RNF24: variants seen among roughly 807,000 people sequenced by gnomAD.
The protein encoded by RNF24 is ring finger protein 24.
RNF24 carries 14 observed loss-of-function variants against 20.0 expected under a neutral mutation model. The ratio of observed to expected loss-of-function variants is 0.70; its 90% CI spans 0.46 to 1.10. The LOEUF is 1.10. Ranked by LOEUF, RNF24 falls within the 50% of genes least tolerant of loss-of-function variation. The probability of loss-of-function intolerance (pLI) is 0.00; values close to 1 mark genes in which losing one functional copy is unlikely to be tolerated. For synonymous variants in RNF24, 45 were observed against 61.1 expected, an observed-to-expected ratio of 0.74 and a Z score of 1.23; for missense variants, 124 against 177.6, an observed-to-expected ratio of 0.70 and a Z score of 1.71.
In RNF24 at chr20:3,927,933, T is replaced by G. The variant is rs2090749174; in HGVS notation, c.*6130A>C. On this transcript the variant is annotated 3_prime_UTR_variant, in exon 6 of 6. Transcript: ENST00000358395. ...CTTGGTCAAAAAGTGGAGTACATCTTTGCATCTTGTAACAATTTGGGCTCT... is the reference window on the plus strand; with the variant it reads ...CTTGGTCAAAAAGTGGAGTACATCTGTGCATCTTGTAACAATTTGGGCTCT... 1 of 152,220 alleles carries G rather than the reference T, an allele frequency of 6.6e-6. No homozygotes were observed. Among genetic ancestry groups the G allele is most frequent in the African/African-American group, 2.4e-5 (1 of 41,448 alleles). 9.4% of individuals were successfully genotyped at this position (152,220 alleles called of 1,614,324 possible).
intron 1 of RNF24, among the ~76,000 whole-genome samples, chr20:4,011,737 C>A (rs940336540): frequency 2.0e-5 from 3 of 152,274 alleles, no homozygotes; most frequent in African/African-American, 7.2e-5. Flanking sequence ...AGTAATAGCA[C>A]CCTACGTGGC....
chr20:4,008,450 ATAATATATAATATATAATATGTATAAT>A (rs1982126404), intron 1 of RNF24, among the ~76,000 whole-genome samples: 2 of 17,942 alleles, frequency 1.1e-4, no homozygotes, highest in Non-Finnish European at 1.5e-4. Context: ...TATAATATAT[ATAATATATAATATATAATATGTATAAT>A]ATATAATATA....
intron 1 of RNF24, among the ~76,000 whole-genome samples, chr20:3,989,044 A>G (rs533857605): frequency 6.6e-6 from 1 of 152,348 alleles, no homozygotes; most frequent in African/African-American, 2.4e-5. Flanking sequence ...TATTATAAAG[A>G]TGTCAATTTT....
intron 1 of RNF24, among the ~76,000 whole-genome samples, chr20:3,988,019 A>C (rs1381145938): frequency 1.3e-5 from 2 of 152,178 alleles, no homozygotes; most frequent in African/African-American, 4.8e-5. Context: ...AATAAAAAAA[A>C]AAAATTTTTT....
At chr20:3,961,071 G>A (rs1430025804) in intron 2 of RNF24, among the ~76,000 whole-genome samples, 3 of 152,124 alleles carry the variant, frequency 2.0e-5, no homozygotes, top group Admixed American at 6.6e-5. Flanking sequence ...GAGATTACAG[G>A]TATGAGCCAC....
At chr20:3,975,938 C>T (rs1306847130) in intron 1 of RNF24, among the ~76,000 whole-genome samples, 6 of 152,028 alleles carry the variant, frequency 3.9e-5, no homozygotes, top group Non-Finnish European at 5.9e-5. Flanking sequence ...AGGAGTGCAC[C>T]ACCATGCTCT....
In RNF24 at chr20:3,933,934, A is replaced by G; in HGVS notation, c.*129T>C. 1 of 966,548 alleles carries G rather than the reference A, an allele frequency of 1.0e-6. No homozygotes were observed. The highest frequency in any genetic ancestry group is 1.4e-6 in the Non-Finnish European group (1 of 706,758). 59.9% of individuals were successfully genotyped at this position (966,548 alleles called of 1,614,324 possible). A position where few individuals can be genotyped will look rare whatever the true frequency, so the allele number is the denominator to read the frequency against. On this transcript the variant is annotated 3_prime_UTR_variant, in exon 6 of 6. Transcript: ENST00000358395. ...AGGTTCCCAGTTTGGCTGGCCCAAG[A>G]GTTCTTCATGAGGCAAAAGAAGTGG...
At chr20:3,981,498 G>T (rs1979374034) in intron 1 of RNF24, among the ~76,000 whole-genome samples, 1 of 150,998 alleles carries the variant, frequency 6.6e-6, no homozygotes. Context: ...ACCTTTTTTG[G>T]AGTCACTTTT....
At chr20:3,950,348 G>C (rs1411817017) in intron 2 of RNF24, among the ~76,000 whole-genome samples, 1 of 152,186 alleles carries the variant, frequency 6.6e-6, no homozygotes, top group Admixed American at 6.5e-5. Context: ...GAGACAGACG[G>C]AAAAGAAGGC....
chr20:4,001,544 A>G (rs975428484), intron 1 of RNF24, among the ~76,000 whole-genome samples: 1 of 152,228 alleles, frequency 6.6e-6, no homozygotes, highest in East Asian at 1.9e-4. Flanking sequence ...CAAAACACAT[A>G]TTGGATGAAA....
intron 1 of RNF24, among the ~76,000 whole-genome samples, chr20:3,994,328 G>T (rs1412647296): frequency 2.0e-5 from 3 of 152,190 alleles, no homozygotes. Context: ...AGTTGTATTT[G>T]TGACACCTGT....
intron 2 of RNF24, among the ~76,000 whole-genome samples, chr20:3,962,266 G>A (rs2091210042): frequency 6.6e-6 from 1 of 152,084 alleles, no homozygotes; most frequent in Non-Finnish European, 1.5e-5. Flanking sequence ...TGAGGTGGGA[G>A]GATCACTTGA....
At chr20:3,950,699 C>T (rs1218608505) in intron 2 of RNF24, among the ~76,000 whole-genome samples, 1 of 152,168 alleles carries the variant, frequency 6.6e-6, no homozygotes, top group Non-Finnish European at 1.5e-5. Context: ...TTCACATATA[C>T]CTTTCTACCA....
chr20:3,971,039 T>C (rs1478623240), intron 1 of RNF24, among the ~76,000 whole-genome samples: 1 of 152,100 alleles, frequency 6.6e-6, no homozygotes, highest in Admixed American at 6.5e-5. Context: ...CACATCGTAG[T>C]CAAACTTCTG....
rs144442965 is a variant in RNF24 at position 4,003,124 on chromosome 20, G to A, written c.-8+12313C>T. ...AGCTGGGATTATAGGCGCCTGCCAC[G>A]GCGCCCGGCTAATTTTTTTGTATTT... is the stretch of plus-strand genomic sequence containing the variant. On this transcript the variant is annotated intron_variant, in intron 1 of 5. Transcript: ENST00000358395. Among the ~76,000 whole-genome samples the A allele has an allele frequency of 7.9e-4, 120 of 152,126 alleles. 1 individual carries two copies. The East Asian group carries it at 0.02, about 26-fold the overall frequency.
chr20:4,001,131 G>A (rs1299783028), intron 1 of RNF24, among the ~76,000 whole-genome samples: 1 of 152,096 alleles, frequency 6.6e-6, no homozygotes, highest in Non-Finnish European at 1.5e-5. Context: ...GCCGGGCGTG[G>A]TGGCGTGCAC....
At chr20:3,946,437 G>C (rs990532045) in intron 3 of RNF24, among the ~76,000 whole-genome samples, 3 of 151,974 alleles carry the variant, frequency 2.0e-5, no homozygotes, top group Admixed American at 2.0e-4. Context: ...CTGCGTGACA[G>C]AAGCGAGACC....
intron 1 of RNF24, among the ~76,000 whole-genome samples, chr20:3,997,030 C>A (rs1026157843): frequency 6.6e-6 from 1 of 151,674 alleles, no homozygotes; most frequent in Non-Finnish European, 1.5e-5. Context: ...ACCATCCTGG[C>A]TAACACGGTG....
intron 1 of RNF24, among the ~76,000 whole-genome samples, chr20:3,988,457 CTTTT>C (rs71195876): frequency 9.0e-5 from 9 of 99,632 alleles, no homozygotes; most frequent in Admixed American, 9.9e-5. Context: ...AAAAGAAACT[CTTTT>C]TTTTTTTTTT....
Sources: gnomAD v4.1 joint callset for allele counts (sites outside exome capture counted in the v4.1 genomes callset) on GRCh38, gnomAD v4.1.1 for gene constraint, MANE v1.5 for transcripts, NCBI Gene and HGNC (gene_info 2026-07-23, HGNC 2026-07-21) for gene names.